Variants in KLF13 observed in about 807,000 individuals in gnomAD.
KLF13 encodes Krueppel-like factor 13.
A neutral mutation model predicts 16.7 loss-of-function variants in KLF13; 8 were observed. The ratio of observed to expected loss-of-function variants is 0.48; its 90% CI spans 0.28 to 0.87. The LOEUF (loss-of-function observed/expected upper bound fraction) is 0.87. KLF13 is among the 40% of genes least tolerant of loss of function. KLF13 has a pLI of 0.10. For synonymous variants in KLF13, 245 were observed against 208.4 expected, an observed-to-expected ratio of 1.18 and a Z score of -1.51; for missense variants, 447 against 452.2, an observed-to-expected ratio of 0.99 and a Z score of 0.10.
At chr15:31,398,492 G>A (rs2039987168) in intron 2 of KLF13, among the ~76,000 whole-genome samples, 1 of 152,196 alleles carries the variant, frequency 6.6e-6, no homozygotes, top group Non-Finnish European at 1.5e-5. Flanking sequence ...CCCAGGCTCT[G>A]GCCAGCGCCT....
chr15:31,390,242 C>G (rs2039844291), upstream of KLF13, among the ~76,000 whole-genome samples: 1 of 152,158 alleles, frequency 6.6e-6, no homozygotes, highest in African/African-American at 2.4e-5. Flanking sequence ...GTGGATCACT[C>G]AAGAGTCAAT....
chr15:31,433,368 T>G (rs957691471), intron 1 of KLF13, among the ~76,000 whole-genome samples: 2 of 152,144 alleles, frequency 1.3e-5, no homozygotes, highest in African/African-American at 4.8e-5. Context: ...GGAGTCCCTT[T>G]GCAGATGTCC....
At chr15:31,384,268 G>C (rs553107834) in intron 1 of KLF13, among the ~76,000 whole-genome samples, 1 of 151,942 alleles carries the variant, frequency 6.6e-6, no homozygotes, top group Non-Finnish European at 1.5e-5. Context: ...GTGAAACCTC[G>C]TCTCTACTAA....
At chr15:31,397,266 A>G (rs1026315318) in intron 2 of KLF13, among the ~76,000 whole-genome samples, 4 of 150,520 alleles carry the variant, frequency 2.7e-5, no homozygotes, top group African/African-American at 9.8e-5. Context: ...AGGGCAGGGC[A>G]GGGGTGCACG....
At chr15:31,341,600 G>A (rs981320497) in intron 1 of KLF13, among the ~76,000 whole-genome samples, 6 of 148,504 alleles carry the variant, frequency 4.0e-5, no homozygotes, top group African/African-American at 1.0e-4. Flanking sequence ...GCAGTGGTGC[G>A]ATCATGGCTC....
At chr15:31,368,721 A>G (rs2039512877) in intron 1 of KLF13, among the ~76,000 whole-genome samples, 1 of 152,080 alleles carries the variant, frequency 6.6e-6, no homozygotes, top group South Asian at 2.1e-4. Flanking sequence ...GAGCGTGGGT[A>G]GGCGCCTGTA....
At chr15:31,341,357 T>TTC (rs2039018580) in intron 1 of KLF13, among the ~76,000 whole-genome samples, 1 of 152,144 alleles carries the variant, frequency 6.6e-6, no homozygotes. Flanking sequence ...CACGTGTGTG[T>TTC]ACGTGTGTGT....
At chr15:31,419,818 C>T (rs1039768575) in intron 1 of KLF13, among the ~76,000 whole-genome samples, 2 of 152,022 alleles carry the variant, frequency 1.3e-5, no homozygotes, top group Non-Finnish European at 2.9e-5. Context: ...TCTAGAAGCT[C>T]GAAGGATGCT....
At chr15:31,404,133 G>GT (rs2040079868) in exon 3 of KLF13, 1 of 152,282 alleles carries the variant, frequency 6.6e-6, no homozygotes, top group Non-Finnish European at 1.5e-5. Flanking sequence ...GTGGGGCACA[G>GT]GCAAGTTACC....
Position 31,345,153 on chromosome 15 carries a change from A to G in KLF13, c.577+17364A>G, listed in dbSNP as rs573897209. ...AGGAGGCAGCTGTGAGATCCCAGGCAGAGCCAGGAGAGGAGCAGGACAGAT... is the reference window on the plus strand; with the variant it reads ...AGGAGGCAGCTGTGAGATCCCAGGCGGAGCCAGGAGAGGAGCAGGACAGAT... On this transcript the variant is annotated intron_variant, in intron 1 of 1. Transcript: ENST00000307145. Among the ~76,000 whole-genome samples the G allele has an allele frequency of 1.6e-4, 24 of 152,354 alleles. No homozygotes were observed. The East Asian group carries it at 3.3e-3, about 21-fold the overall frequency.
intron 1 of KLF13, among the ~76,000 whole-genome samples, chr15:31,412,241 G>T (rs1321391546): frequency 6.6e-6 from 1 of 152,160 alleles, no homozygotes; most frequent in Non-Finnish European, 1.5e-5. Context: ...GACACCAAAT[G>T]TGCTAGCACC....
intron 1 of KLF13, among the ~76,000 whole-genome samples, chr15:31,368,992 CT>C (rs2039517615): frequency 6.6e-6 from 1 of 152,134 alleles, no homozygotes; most frequent in Non-Finnish European, 1.5e-5. Context: ...CTGTATTTTA[CT>C]GCTGTTTCTT....
intron 1 of KLF13, among the ~76,000 whole-genome samples, chr15:31,365,349 A>C (rs1172053510): frequency 1.3e-5 from 2 of 152,094 alleles, no homozygotes; most frequent in Non-Finnish European, 2.9e-5. Context: ...GTGATGGCTC[A>C]TTTGCCTTTC....
chr15:31,354,342 A>G (rs755085780), intron 1 of KLF13, among the ~76,000 whole-genome samples: 2 of 152,208 alleles, frequency 1.3e-5, no homozygotes, highest in Non-Finnish European at 2.9e-5. Flanking sequence ...GGCAGGGCCT[A>G]GGGTTGCAAT....
intron 1 of KLF13, among the ~76,000 whole-genome samples, chr15:31,367,161 CCTT>C (rs2039487473): frequency 6.6e-6 from 1 of 152,202 alleles, no homozygotes; most frequent in Admixed American, 6.5e-5. Context: ...CTGGGCTGCT[CCTT>C]GTCAGCCTCC....
chr15:31,384,185 TC>T (rs1236313978), intron 1 of KLF13, among the ~76,000 whole-genome samples: 4 of 152,204 alleles, frequency 2.6e-5, no homozygotes, highest in Admixed American at 6.5e-5. Context: ...ATGCCTGTAA[TC>T]CCAGCACTTT....
rs1566823070 is a variant in KLF13 at position 31,372,252 on chromosome 15, C to T, written c.820C>T (p.Arg274Cys). The change falls in exon 2 of 2, where the codon CGC becomes TGC. Residue 274 changes from arginine (R) to cysteine (C), a missense_variant. Arg to Cys is a radical substitution (Grantham distance 180). Transcript: ENST00000307145. ...GACCGGCTCCCTCAGCGACTACAGC[C>T]GCTCCGACGCCAGCAGCCCCACCAT... is the stretch of plus-strand genomic sequence containing the variant. The part of the protein sequence containing the change: ...SRTGSLSDYS[R>C]SDASSPTISP... 1 of 1,554,616 alleles carries T rather than the reference C, an allele frequency of 6.4e-7. No individual in the cohort carries two copies. Among genetic ancestry groups the T allele is most frequent in the Admixed American group, 1.9e-5 (1 of 53,234 alleles).
chr15:31,337,774 G>A (rs184660231), intron 1 of KLF13, among the ~76,000 whole-genome samples: 2 of 152,212 alleles, frequency 1.3e-5, no homozygotes, highest in Non-Finnish European at 2.9e-5. Flanking sequence ...CTCGTCCCAC[G>A]TGGACTGTCA....
At chr15:31,371,329 G>T (rs756804294) in intron 1 of KLF13, among the ~76,000 whole-genome samples, 5 of 152,230 alleles carry the variant, frequency 3.3e-5, no homozygotes, top group Non-Finnish European at 5.9e-5. Flanking sequence ...CTATAATGGG[G>T]TGCTCTGGGT....
Sources: allele counts gnomAD v4.1 joint callset (sites outside exome capture counted in the v4.1 genomes callset), GRCh38; gene constraint gnomAD v4.1.1; transcripts MANE v1.5; gene names NCBI Gene and HGNC (gene_info 2026-07-23, HGNC 2026-07-21).